NTM: variants seen among roughly 807,000 people sequenced by gnomAD.
NTM encodes IgLON family member 2.
Under a neutral mutation model 42.1 loss-of-function variants are expected in NTM, and 13 were observed. The ratio of observed to expected loss-of-function variants is 0.31; its 90% confidence interval spans 0.20 to 0.49. The LOEUF (loss-of-function observed/expected upper bound fraction) is 0.49. Among genes scored for constraint, NTM ranks in the 20% least tolerant of loss-of-function variants. NTM has a pLI of 0.99. For missense variants in NTM, 373 were observed against 452.8 expected (o/e 0.82, Z 1.60); for synonymous variants, 187 against 179.2 (o/e 1.04, Z -0.35).
At chr11:131,654,311 C>G (rs2066891608) in intron 1 of NTM, among the ~76,000 whole-genome samples, 1 of 152,214 alleles carries the variant, frequency 6.6e-6, no homozygotes, top group South Asian at 2.1e-4. Context: ...GACCCATCCA[C>G]CCCCACCGCC....
At chr11:131,998,450 C>T (rs936151883) in intron 2 of NTM, among the ~76,000 whole-genome samples, 1 of 152,192 alleles carries the variant, frequency 6.6e-6, no homozygotes, top group Non-Finnish European at 1.5e-5. Flanking sequence ...TTGGGGCCAC[C>T]CTGGCCAGCC....
At chr11:131,384,010 G>T (rs1417429226) in intron 1 of NTM, among the ~76,000 whole-genome samples, 2 of 152,158 alleles carry the variant, frequency 1.3e-5, no homozygotes, top group Admixed American at 1.3e-4. Context: ...AAGAGGATAA[G>T]TAATAAAGAA....
At chr11:131,428,880 C>T (rs376856915) in intron 1 of NTM, among the ~76,000 whole-genome samples, 2 of 84,008 alleles carry the variant, frequency 2.4e-5, no homozygotes, top group Non-Finnish European at 4.5e-5. Context: ...ACTAAAAATA[C>T]AAAAAAAAAA....
chr11:131,644,057 A>G (rs1054101873), intron 1 of NTM, among the ~76,000 whole-genome samples: 4 of 152,214 alleles, frequency 2.6e-5, no homozygotes, highest in East Asian at 1.9e-4. Context: ...GAATGGATTC[A>G]GAGGCCATGG....
chr11:131,843,351 G>A (rs2044509594), intron 1 of NTM, among the ~76,000 whole-genome samples: 1 of 152,094 alleles, frequency 6.6e-6, no homozygotes, highest in Non-Finnish European at 1.5e-5. Flanking sequence ...CCATGATTTT[G>A]AACTACTATA....
At chr11:131,876,105 A>AT (rs1207839788) in intron 1 of NTM, among the ~76,000 whole-genome samples, 2 of 151,852 alleles carry the variant, frequency 1.3e-5, no homozygotes, top group East Asian at 1.9e-4. Context: ...TCTTTATCAT[A>AT]TTTTTTTCCT....
At position 132,310,140 on chromosome 11, in the gene NTM, T is replaced by C; in HGVS notation, c.690T>C (p.Gly230=). The change falls in exon 6 of 9, where the codon GGT becomes GGC. Residue 230 remains glycine, a synonymous_variant. Coordinates refer to ENST00000683400, the MANE Select transcript of NTM (RefSeq NM_001352005.2). ...CACCATACATTTCAGAAGCCAAGGG[T>C]ACAGGTGTCCCCGTGGGACAAAAGG... The part of the protein sequence containing the change: ...NYPPYISEAK[G]TGVPVGQKGT... 3 of 1,605,462 alleles carry C rather than the reference T, an allele frequency of 1.9e-6. No homozygotes were observed. The highest frequency in any genetic ancestry group is 4.5e-5 in the East Asian group (2 of 44,190).
intron 2 of NTM, among the ~76,000 whole-genome samples, chr11:132,143,555 A>C (rs2069647085): frequency 6.6e-6 from 1 of 152,180 alleles, no homozygotes. Flanking sequence ...TTGTCTGTAA[A>C]TTGGCAATAA....
chr11:131,707,230 G>A (rs1035993118), intron 1 of NTM, among the ~76,000 whole-genome samples: 8 of 151,854 alleles, frequency 5.3e-5, no homozygotes, highest in Non-Finnish European at 1.0e-4. Context: ...GATTCCACAT[G>A]CAGTAAGATC....
intron 1 of NTM, among the ~76,000 whole-genome samples, chr11:131,581,265 C>A (rs899395746): frequency 1.6e-4 from 25 of 152,182 alleles, no homozygotes; most frequent in Admixed American, 1.6e-3. Context: ...TTTCCTCTTG[C>A]TCTCCAAATG....
intron 7 of NTM, 54 bp downstream of exon 7, chr11:132,314,757 G>A (rs1224230922): frequency 1.3e-6 from 2 of 1,542,902 alleles, no homozygotes; most frequent in Admixed American, 3.9e-5. Flanking sequence ...CAGAACGGGA[G>A]AGCTGGGTGG....
At chr11:131,595,879 C>A (rs1263524342) in intron 1 of NTM, among the ~76,000 whole-genome samples, 1 of 152,172 alleles carries the variant, frequency 6.6e-6, no homozygotes, top group Non-Finnish European at 1.5e-5. Flanking sequence ...TTCTGTTGAA[C>A]AAAAAGCAGT....
In NTM at chr11:131,424,598, TTC is replaced by T. The variant is rs1491385720; in HGVS notation, c.82+53712_82+53713del. ...TTAGTTGTTTTTTATTTCTTTTCTT[TTC>T]TTTTTTTTTTTTTTTTTTGGCGCAA... On this transcript the variant is annotated intron_variant, in intron 1 of 8. Transcript: ENST00000683400. Among the ~76,000 whole-genome samples the T allele has an allele frequency of 1.4e-4, 18 of 124,982 alleles. 3 individuals are homozygous for T. The East Asian group carries it at 3.2e-3, about 22-fold the overall frequency. The allele number at this position is 124,982 out of a possible 152,430, so 82.0% of individuals were successfully genotyped here.
At chr11:131,960,943 G>T (rs2062096292) in intron 2 of NTM, among the ~76,000 whole-genome samples, 1 of 152,130 alleles carries the variant, frequency 6.6e-6, no homozygotes, top group Non-Finnish European at 1.5e-5. Context: ...TCCTACTTTG[G>T]CCTGTTTGAG....
At chr11:131,495,294 C>G (rs1052786939) in intron 1 of NTM, among the ~76,000 whole-genome samples, 1 of 152,206 alleles carries the variant, frequency 6.6e-6, no homozygotes, top group Non-Finnish European at 1.5e-5. Flanking sequence ...CACACTCCCC[C>G]GCCCCTGTTG....
chr11:131,870,414 C>T (rs1234297111), intron 1 of NTM, among the ~76,000 whole-genome samples: 1 of 152,182 alleles, frequency 6.6e-6, no homozygotes, highest in African/African-American at 2.4e-5. Flanking sequence ...ATTGGGTGCT[C>T]TCTGAATGAT....
intron 1 of NTM, among the ~76,000 whole-genome samples, chr11:131,444,328 T>C (rs1167516505): frequency 6.8e-6 from 1 of 147,938 alleles, no homozygotes; most frequent in Non-Finnish European, 1.5e-5. Flanking sequence ...GTCCAAGGAG[T>C]GCGTCTTATG....
At chr11:132,310,445 C>A (rs1307539237) in intron 6 of NTM, among the ~76,000 whole-genome samples, 1 of 152,146 alleles carries the variant, frequency 6.6e-6, no homozygotes, top group African/African-American at 2.4e-5. Context: ...CACTGGCCAA[C>A]CAACAGATCT....
At chr11:132,260,896 T>G (rs1292510903) in intron 4 of NTM, among the ~76,000 whole-genome samples, 2 of 152,204 alleles carry the variant, frequency 1.3e-5, no homozygotes, top group African/African-American at 4.8e-5. Flanking sequence ...CATCTCGCCT[T>G]GTTTTCTCCT....
Sources: gnomAD v4.1 joint callset for allele counts (sites outside exome capture counted in the v4.1 genomes callset) on GRCh38, gnomAD v4.1.1 for gene constraint, MANE v1.5 for transcripts, NCBI Gene and HGNC (gene_info 2026-07-23, HGNC 2026-07-21) for gene names.